The following NAALADL2 variants were observed in gnomAD, a reference collection of about 807,000 sequenced individuals.
NAALADL2 encodes the protein N-acetylated alpha-linked acidic dipeptidase like 2.
In NAALADL2, 76 loss-of-function variants were observed where a neutral mutation model predicts 87.2. The observed-to-expected ratio is 0.87, with a 90% confidence interval of 0.72 to 1.05. NAALADL2 has a LOEUF of 1.05. Among genes scored for constraint, NAALADL2 ranks in the 50% least tolerant of loss-of-function variants. The probability of loss-of-function intolerance (pLI) is 0.00; values close to 1 mark genes in which losing one functional copy is unlikely to be tolerated. For synonymous variants in NAALADL2, 354 were observed against 331.0 expected (o/e 1.07, Z -0.75); for missense variants, 1,089 against 945.8 (o/e 1.15, Z -1.99).
intron 2 of NAALADL2, among the ~76,000 whole-genome samples, chr3:174,643,147 T>C (rs1723423326): frequency 6.6e-6 from 1 of 152,148 alleles, no homozygotes; most frequent in South Asian, 2.1e-4. Context: ...TCAAGATTTA[T>C]TGAGTCACTC....
intron 9 of NAALADL2, among the ~76,000 whole-genome samples, chr3:175,549,703 T>C (rs185688272): frequency 3.2e-4 from 49 of 152,052 alleles, no homozygotes; most frequent in African/African-American, 1.2e-3. Flanking sequence ...TTACTGAATG[T>C]TTATTATATG....
At chr3:175,177,958 C>A (rs116247480) in intron 2 of NAALADL2, among the ~76,000 whole-genome samples, 16,678 of 151,936 alleles carry the variant, frequency 0.11, 1,044 homozygotes, top group Admixed American at 0.16. Context: ...ACATTGAAAA[C>A]TATATTGAAA....
rs532744671 is a variant in NAALADL2, at chr3:175,374,916, ATAAG to A, written c.1090+50593_1090+50596del. Among the ~76,000 whole-genome samples the A allele has an allele frequency of 5.1e-4, 76 of 148,430 alleles. No individual in the cohort carries two copies. In the South Asian group the frequency reaches 0.013, roughly 25 times the overall value. On this transcript the variant is annotated intron_variant, in intron 5 of 13. Transcript: ENST00000454872. ...AATAAATAAATAAATAAATAAATAA[ATAAG>A]TCAAGTTGTGTAGTTTTACCTTTTA...
At chr3:175,261,301 T>A (rs1381598695) in intron 4 of NAALADL2, among the ~76,000 whole-genome samples, 1 of 151,938 alleles carries the variant, frequency 6.6e-6, no homozygotes, top group Non-Finnish European at 1.5e-5. Context: ...TTTTATAAAA[T>A]TCAATGAAAG....
intron 1 of NAALADL2, among the ~76,000 whole-genome samples, chr3:174,526,655 A>G (rs538312356): frequency 1.3e-5 from 2 of 151,350 alleles, no homozygotes; most frequent in Admixed American, 6.6e-5. Context: ...GTATTTGGTA[A>G]CACTGAAATT....
intron 2 of NAALADL2, among the ~76,000 whole-genome samples, chr3:175,208,590 A>G (rs1741305329): frequency 6.6e-6 from 1 of 152,150 alleles, no homozygotes; most frequent in South Asian, 2.1e-4. Context: ...AGCCAATCCC[A>G]GTAACTTGGC....
intron 2 of NAALADL2, among the ~76,000 whole-genome samples, chr3:175,216,014 A>G (rs1742462389): frequency 1.3e-5 from 2 of 152,162 alleles, no homozygotes; most frequent in Non-Finnish European, 1.5e-5. Flanking sequence ...TCCTTAATGG[A>G]TGAATAATTT....
At chr3:174,934,128 G>A (rs2861936) in intron 1 of NAALADL2, among the ~76,000 whole-genome samples, 44,997 of 151,970 alleles carry the variant, frequency 0.3, 7,111 homozygotes, top group East Asian at 0.46. Flanking sequence ...CATTTATTCA[G>A]CAGTTATTTA....
intron 4 of NAALADL2, among the ~76,000 whole-genome samples, chr3:175,267,603 A>G (rs1287375630): frequency 6.6e-6 from 1 of 152,130 alleles, no homozygotes; most frequent in South Asian, 2.1e-4. Context: ...TATGCTTCAC[A>G]TTGGAAAATG....
intron 4 of NAALADL2, among the ~76,000 whole-genome samples, chr3:175,318,356 G>GA (rs765330744): frequency 7.2e-5 from 11 of 151,796 alleles, no homozygotes; most frequent in Non-Finnish European, 1.5e-4. Context: ...TTTCTTGACA[G>GA]AAAAAATGAT....
At chr3:175,582,170 C>A (rs989525695) in intron 10 of NAALADL2, among the ~76,000 whole-genome samples, 9 of 151,138 alleles carry the variant, frequency 6.0e-5, no homozygotes, top group South Asian at 2.1e-4. Context: ...TGTATACTTC[C>A]AAGAGTCTGA....
intron 1 of NAALADL2, among the ~76,000 whole-genome samples, chr3:175,052,150 T>C (rs563075404): frequency 3.3e-5 from 5 of 152,354 alleles, no homozygotes; most frequent in South Asian, 4.1e-4. Context: ...GTCTGGCTAG[T>C]TATCTGCAGC....
At chr3:174,610,221 A>G (rs1719668481) in intron 2 of NAALADL2, among the ~76,000 whole-genome samples, 1 of 151,542 alleles carries the variant, frequency 6.6e-6, no homozygotes, top group Admixed American at 6.6e-5. Flanking sequence ...CCTAGAAGAA[A>G]ACCTAGGCAT....
At chr3:174,774,955 GAA>G (rs1560214280) in intron 3 of NAALADL2, among the ~76,000 whole-genome samples, 3 of 152,186 alleles carry the variant, frequency 2.0e-5, no homozygotes, top group African/African-American at 7.2e-5. Context: ...CTCACAAACG[GAA>G]AAGTTAGGCT....
At chr3:174,900,613 A>G (rs1458693275) in intron 1 of NAALADL2, among the ~76,000 whole-genome samples, 3 of 152,022 alleles carry the variant, frequency 2.0e-5, no homozygotes, top group Non-Finnish European at 4.4e-5. Context: ...GAAAGACAGC[A>G]TTATTTACAT....
rs550834544 is a variant in NAALADL2 at position 175,582,737 on chromosome 3, A to G, written c.1800+6550A>G. Among the ~76,000 whole-genome samples the G allele has an allele frequency of 5.9e-5, 9 of 152,352 alleles. No homozygotes were observed. In the South Asian group the frequency reaches 1.7e-3, roughly 28 times the overall value. On this transcript the variant is annotated intron_variant, in intron 10 of 13. Transcript: ENST00000454872. ...CCCCTCTTTCTCTCAAAGTGGTCAC[A>G]GTCTAGATTCAAACTCAGTCGTATA...
At chr3:175,639,563 G>T (rs376980157) in intron 11 of NAALADL2, among the ~76,000 whole-genome samples, 130 of 151,874 alleles carry the variant, frequency 8.6e-4, no homozygotes, top group African/African-American at 2.8e-3. Context: ...CTCGTGATCC[G>T]CCCACCTCGG....
chr3:175,020,782 G>A (rs182146174), intron 1 of NAALADL2, among the ~76,000 whole-genome samples: 36 of 151,984 alleles, frequency 2.4e-4, no homozygotes, highest in Admixed American at 5.9e-4. Context: ...CAAACTACTC[G>A]CAACTACAAT....
At chr3:174,728,432 T>A (rs1348369879) in intron 2 of NAALADL2, among the ~76,000 whole-genome samples, 1 of 152,086 alleles carries the variant, frequency 6.6e-6, no homozygotes, top group African/African-American at 2.4e-5. Context: ...GGAAATTATA[T>A]TCCAATAATG....
Sources: allele counts gnomAD v4.1 joint callset (sites outside exome capture counted in the v4.1 genomes callset), GRCh38; gene constraint gnomAD v4.1.1; transcripts MANE v1.5; gene names NCBI Gene and HGNC (gene_info 2026-07-23, HGNC 2026-07-21).